The following DRC11L variants were observed in gnomAD, a reference collection of about 807,000 sequenced individuals.
The protein encoded by DRC11L is dynein regulatory complex subunit 11 like.
At chr7:151,204,423 T>G in the DRC11L span, 1 of 396,370 alleles carries the variant, frequency 2.5e-6, no homozygotes, top group African/African-American at 2.1e-5. Flanking sequence ...TGGCTCTGTG[T>G]CCCAGGTGGT....
chr7:151,196,991 T>C, the DRC11L span: 20 of 399,330 alleles, frequency 5.0e-5, no homozygotes, highest in Middle Eastern at 2.5e-3. Context: ...GTATTCTTCA[T>C]GCCCGGCACA....
chr7:151,204,155 C>T, the DRC11L span, among the ~76,000 whole-genome samples: 3 of 152,188 alleles, frequency 2.0e-5, no homozygotes, highest in African/African-American at 7.2e-5. Flanking sequence ...CACCAATTCC[C>T]TGCGGTTCGT....
the DRC11L span, among the ~76,000 whole-genome samples, chr7:151,199,305 C>T: frequency 1.6e-4 from 24 of 152,272 alleles, no homozygotes; most frequent in East Asian, 2.9e-3. This position sits in a 1 kb window ranked among gnomAD's most constrained non-coding sequence, Gnocchi z 5.2. Context: ...CGGCCCCAGC[C>T]CCCGCCTGCA....
At chr7:151,200,369 C>A in the DRC11L span, 1 of 399,048 alleles carries the variant, frequency 2.5e-6, no homozygotes, top group Non-Finnish European at 4.4e-6. Flanking sequence ...CCATGGTGGG[C>A]AGGTTGAGCT....
the DRC11L span, chr7:151,197,101 ACAGACT>A: frequency 9.5e-5 from 38 of 398,786 alleles, no homozygotes; most frequent in African/African-American, 1.7e-4. Flanking sequence ...TCTGCCTAGC[ACAGACT>A]CTGGCCCTAA....
the DRC11L span, chr7:151,198,047 A>AGGGTGAGTG: frequency 5.4e-6 from 1 of 184,218 alleles, no homozygotes; most frequent in Non-Finnish European, 1.1e-5. Flanking sequence ...GGTAGGTAGA[A>AGGGTGAGTG]GGGTGAGTGG....
chr7:151,194,838 G>T, the DRC11L span, among the ~76,000 whole-genome samples: 9 of 152,226 alleles, frequency 5.9e-5, no homozygotes, highest in Non-Finnish European at 1.3e-4. Flanking sequence ...CTGTAAGAGG[G>T]GTGTGAGGGG....
the DRC11L span, chr7:151,204,664 CATAG>C: frequency 2.5e-6 from 1 of 399,068 alleles, no homozygotes; most frequent in Non-Finnish European, 4.4e-6. Context: ...ACCATCTGGT[CATAG>C]ACGGTGTCGA....
chr7:151,198,371 C>T, the DRC11L span, among the ~76,000 whole-genome samples: 2 of 147,200 alleles, frequency 1.4e-5, no homozygotes, highest in Non-Finnish European at 3.0e-5. Context: ...GTTGGGTAGA[C>T]GGGTGAGTGG....
At chr7:151,199,009 G>A in the DRC11L span, 2 of 399,098 alleles carry the variant, frequency 5.0e-6, no homozygotes, top group East Asian at 3.6e-5. This position sits in a 1 kb window ranked among gnomAD's most constrained non-coding sequence, Gnocchi z 5.2. Flanking sequence ...GGGAGCTGGG[G>A]GAGTGGAAGA....
At chr7:151,193,184 C>T in the DRC11L span, 273 of 398,164 alleles carry the variant, frequency 6.9e-4, no homozygotes, top group Admixed American at 1.8e-3. Context: ...CAGTTCAGCA[C>T]CTGAAATCAT....
chr7:151,198,677 G>A, the DRC11L span: 1 of 397,440 alleles, frequency 2.5e-6, no homozygotes, highest in Non-Finnish European at 4.4e-6. Context: ...GGGTAGAGGA[G>A]AAAAGGCCCC....
At chr7:151,205,221 G>T in the DRC11L span, among the ~76,000 whole-genome samples, 1 of 152,068 alleles carries the variant, frequency 6.6e-6, no homozygotes. Flanking sequence ...GGAAGTGGGG[G>T]TGAGGGATGA....
At chr7:151,198,030 A>C in the DRC11L span, 2 of 263,902 alleles carry the variant, frequency 7.6e-6, no homozygotes, top group Non-Finnish European at 1.4e-5. Context: ...GGATAGATAG[A>C]TGGAGAGGTA....
the DRC11L span, chr7:151,200,467 T>C: frequency 4.0e-5 from 16 of 399,250 alleles, no homozygotes; most frequent in African/African-American, 3.3e-4. Context: ...GGCGGAGGGA[T>C]GTAGGGGACA....
At chr7:151,196,164 C>T in the DRC11L span, among the ~76,000 whole-genome samples, 1 of 152,126 alleles carries the variant, frequency 6.6e-6, no homozygotes, top group African/African-American at 2.4e-5. Flanking sequence ...GGCTCCGAGC[C>T]CCTCCCATAC....
chr7:151,202,704 A>G, the DRC11L span, among the ~76,000 whole-genome samples: 1 of 152,224 alleles, frequency 6.6e-6, no homozygotes, highest in Non-Finnish European at 1.5e-5. Flanking sequence ...TACAAAAATT[A>G]GCTGGGCGTA....
chr7:151,204,538 G>C, the DRC11L span: 3 of 398,704 alleles, frequency 7.5e-6, no homozygotes. Flanking sequence ...TGCAGCACGC[G>C]GTCCAGGCAG....
chr7:151,203,689 C>A, the DRC11L span, among the ~76,000 whole-genome samples: 1 of 152,218 alleles, frequency 6.6e-6, no homozygotes, highest in Non-Finnish European at 1.5e-5. Context: ...CTCCTCTCTT[C>A]CTCTGCCCCC....
Sources: gnomAD v4.1 joint callset for allele counts (sites outside exome capture counted in the v4.1 genomes callset) on GRCh38, gnomAD v4.1.1 for gene constraint, Gnocchi (gnomAD v3.1) non-coding constraint, MANE v1.5 for transcripts, NCBI Gene and HGNC (gene_info 2026-07-23, HGNC 2026-07-21) for gene names.